The following RBFOX1 variants were observed in gnomAD, a reference collection of about 807,000 sequenced individuals.
The protein encoded by RBFOX1 is RNA binding fox-1 homolog 1.
RBFOX1 carries 8 observed loss-of-function variants against 57.7 expected under a neutral mutation model. The observed-to-expected ratio is 0.14, with a 90% CI of 0.08 to 0.25. RBFOX1 has a LOEUF of 0.25. RBFOX1 is among the 10% of genes least tolerant of loss of function. RBFOX1 has a pLI of 1.00. For synonymous variants in RBFOX1, 326 were observed against 222.4 expected, an observed-to-expected ratio of 1.47 and a Z score of -4.15; for missense variants, 611 against 548.5, an observed-to-expected ratio of 1.11 and a Z score of -1.14.
chr16:7,484,119 G>C (rs1447860986), intron 4 of RBFOX1, among the ~76,000 whole-genome samples: 3 of 152,002 alleles, frequency 2.0e-5, no homozygotes. Flanking sequence ...TCCTTTCCCT[G>C]AGCATAAAGT....
Position 6,959,663 on chromosome 16 carries a change from G to A in RBFOX1, c.-15-92394G>A, listed in dbSNP as rs940362969. 7.2e-5 allele frequency among the ~76,000 whole-genome samples: 11 copies of A among 152,092 alleles called. No homozygotes were observed. The East Asian group carries it at 1.4e-3, about 19-fold the overall frequency. The stretch of plus-strand genomic sequence containing the variant: ...TAAATATTAAAAGCTGAGGCTGGGC[G>A]TAATGGCTCACATCTGTAATCTCTA... On this transcript the variant is annotated intron_variant, in intron 3 of 15. Coordinates refer to ENST00000550418, the MANE Select transcript of RBFOX1 (RefSeq NM_018723.4).
chr16:5,909,465 C>G (rs965359517), intron 4 of RBFOX1, among the ~76,000 whole-genome samples: 1 of 152,220 alleles, frequency 6.6e-6, no homozygotes, highest in Non-Finnish European at 1.5e-5. Flanking sequence ...GAGAGATGGT[C>G]TGCTTCAGGA....
chr16:5,587,025 A>G (rs1055060558), intron 2 of RBFOX1, among the ~76,000 whole-genome samples: 3 of 152,170 alleles, frequency 2.0e-5, no homozygotes, highest in Non-Finnish European at 4.4e-5. Flanking sequence ...AGGCAAGTAG[A>G]GGAAAACCTG....
rs189393287 is a variant in RBFOX1, at chr16:5,312,409, C to T, written c.219+72304C>T. Among the ~76,000 whole-genome samples the T allele has an allele frequency of 3.5e-3, 540 of 152,336 alleles. 3 individuals are homozygous for T. Among genetic ancestry groups the T allele is most frequent in the Middle Eastern group, 0.014 (4 of 294 alleles). On this transcript the variant is annotated intron_variant, in intron 1 of 2. Coordinates refer to the RBFOX1 transcript ENST00000585867. ...TCGTGGCTCACTGCCACCTCTGCTG[C>T]CCGGGTTCAAGTGATTCTCCTGCCT...
At chr16:7,412,778 C>G (rs1387214512) in intron 4 of RBFOX1, among the ~76,000 whole-genome samples, 1 of 152,204 alleles carries the variant, frequency 6.6e-6, no homozygotes, top group African/African-American at 2.4e-5. Flanking sequence ...CATGGTGGCT[C>G]ACGCCTGTGA....
intron 3 of RBFOX1, among the ~76,000 whole-genome samples, chr16:6,818,669 G>A (rs1285771364): frequency 1.3e-5 from 2 of 152,030 alleles, no homozygotes; most frequent in Non-Finnish European, 2.9e-5. Context: ...CCCTTCTTCT[G>A]GTAAAGCCCC....
At chr16:7,374,178 G>C (rs147836752) in intron 4 of RBFOX1, among the ~76,000 whole-genome samples, 20 of 152,272 alleles carry the variant, frequency 1.3e-4, no homozygotes, top group Non-Finnish European at 2.2e-4. Context: ...GGAATAGTGG[G>C]AATGGCATGG....
intron 2 of RBFOX1, among the ~76,000 whole-genome samples, chr16:6,447,611 C>G (rs1444506090): frequency 2.0e-5 from 3 of 152,156 alleles, no homozygotes; most frequent in Non-Finnish European, 4.4e-5. Flanking sequence ...TGAATGCATA[C>G]TGTGTATCTC....
intron 3 of RBFOX1, among the ~76,000 whole-genome samples, chr16:6,662,270 G>A (rs946210805): frequency 1.3e-5 from 2 of 152,114 alleles, no homozygotes; most frequent in African/African-American, 4.8e-5. Context: ...TAAGAGAGTA[G>A]ATCTCAACTG....
chr16:6,884,974 A>G (rs973745781), intron 3 of RBFOX1, among the ~76,000 whole-genome samples: 16 of 152,314 alleles, frequency 1.1e-4, no homozygotes, highest in Admixed American at 6.5e-4. Flanking sequence ...ACCCAGATCT[A>G]TCTTATTCTA....
chr16:6,963,190 G>C (rs145761037), intron 3 of RBFOX1, among the ~76,000 whole-genome samples: 1 of 152,108 alleles, frequency 6.6e-6, no homozygotes, highest in East Asian at 1.9e-4. Context: ...TTTTTTTTCG[G>C]AGTCCGTCAT....
intron 1 of RBFOX1, among the ~76,000 whole-genome samples, chr16:5,386,114 T>C (rs1169500104): frequency 1.3e-5 from 2 of 152,096 alleles, no homozygotes; most frequent in Non-Finnish European, 2.9e-5. Flanking sequence ...ACTTTTTTTT[T>C]TTTTTGGAGG....
rs1031337523 is a variant in RBFOX1, at chr16:7,630,739, C to T, written c.757+56C>T. 6 of 1,606,608 alleles carry T rather than the reference C, an allele frequency of 3.7e-6. No homozygotes were observed. In the African/African-American group the frequency reaches 4.0e-5, roughly 11 times the overall value. ...TGTGACATAAATCTGAGTCCAATCACCTTCCCTGCCATGTAAGTTCTCTCC... is the reference window on the plus strand; with the variant it reads ...TGTGACATAAATCTGAGTCCAATCATCTTCCCTGCCATGTAAGTTCTCTCC... On this transcript the variant is annotated intron_variant, in intron 11 of 15. Transcript: ENST00000550418.
chr16:7,694,435 C>G (rs1231641086), intron 14 of RBFOX1, among the ~76,000 whole-genome samples: 4 of 152,222 alleles, frequency 2.6e-5, no homozygotes, highest in African/African-American at 9.6e-5. Flanking sequence ...CCAACTATCT[C>G]TGTTCTAAAA....
chr16:6,573,676 G>T (rs4786886), intron 2 of RBFOX1: 3 of 152,346 alleles, frequency 2.0e-5, no homozygotes, highest in South Asian at 4.1e-4. Flanking sequence ...GCTGTCTGCT[G>T]TGTGACATGC....
At chr16:6,136,152 C>T (rs528903289) in intron 1 of RBFOX1, among the ~76,000 whole-genome samples, 2 of 152,132 alleles carry the variant, frequency 1.3e-5, no homozygotes, top group South Asian at 2.1e-4. Context: ...GCTAAGCTCG[C>T]GATGATAACA....
At position 5,383,273 on chromosome 16, in the gene RBFOX1, A is replaced by G. The variant is rs368521222; in HGVS notation, c.220-83943A>G. Among the ~76,000 whole-genome samples the G allele has an allele frequency of 3.4e-3, 517 of 152,250 alleles. 8 individuals carry two copies. The highest frequency in any genetic ancestry group is 0.012 in the African/African-American group (485 of 41,552). ...ATTCATGAATGTATAAGTGGCGCCC[A>G]CTGGTGTGGGGAAAAGGTGGGCTGT... On this transcript the variant is annotated intron_variant, in intron 1 of 2. Transcript: ENST00000585867.
intron 4 of RBFOX1, among the ~76,000 whole-genome samples, chr16:7,365,067 A>T (rs1302085321): frequency 6.6e-6 from 1 of 152,120 alleles, no homozygotes; most frequent in South Asian, 2.1e-4. Flanking sequence ...TCTATCTATC[A>T]TTCGTCTATC....
At chr16:7,418,507 A>G (rs7190111) in intron 4 of RBFOX1, among the ~76,000 whole-genome samples, 94,610 of 152,036 alleles carry the variant, frequency 0.62, 29,799 homozygotes, top group East Asian at 0.88. Context: ...CTGACACAAC[A>G]TTTCTGTTTT....
Sources: gnomAD v4.1 joint callset for allele counts (sites outside exome capture counted in the v4.1 genomes callset) on GRCh38, gnomAD v4.1.1 for gene constraint, MANE v1.5 for transcripts, NCBI Gene and HGNC (gene_info 2026-07-23, HGNC 2026-07-21) for gene names.